Variants in ABCG5 observed in about 807,000 individuals in gnomAD.
ABCG5 encodes the protein ATP-binding cassette sub-family G member 5.
In ABCG5, 64 loss-of-function variants were observed where a neutral mutation model predicts 64.5. The ratio of observed to expected loss-of-function variants is 0.99; its 90% CI spans 0.81 to 1.22. The LOEUF is 1.22. Among genes scored for constraint, ABCG5 ranks in the 50% most tolerant of loss-of-function variants. The pLI is 0.00. For missense variants in ABCG5, 908 were observed against 829.5 expected, an observed-to-expected ratio of 1.09 and a Z score of -1.16; for synonymous variants, 385 against 326.3, an observed-to-expected ratio of 1.18 and a Z score of -1.94.
chr2:43,816,119 A>G (rs1269113393), intron 11 of ABCG5, among the ~76,000 whole-genome samples: 2 of 152,174 alleles, frequency 1.3e-5, no homozygotes, highest in Non-Finnish European at 2.9e-5. Flanking sequence ...TTGATATCAG[A>G]AAAGAAAACC....
chr2:43,834,886 C>G (rs1001704085), intron 2 of ABCG5, among the ~76,000 whole-genome samples: 4 of 152,226 alleles, frequency 2.6e-5, no homozygotes, highest in Admixed American at 1.3e-4. Context: ...ATGTCATCAT[C>G]TTTTGCCTCG....
intron 11 of ABCG5, among the ~76,000 whole-genome samples, chr2:43,817,329 A>G (rs1372136040): frequency 6.6e-6 from 1 of 151,948 alleles, no homozygotes; most frequent in Non-Finnish European, 1.5e-5. Flanking sequence ...TACCAAAAAT[A>G]CAAAAATTAG....
downstream of ABCG5, chr2:43,809,691 T>C: frequency 6.3e-7 from 1 of 1,592,736 alleles, no homozygotes; most frequent in Non-Finnish European, 8.6e-7. Context: ...AAGTGATACA[T>C]ATTTTTGTTT....
At chr2:43,818,463 C>CA (rs1666988343) in intron 11 of ABCG5, among the ~76,000 whole-genome samples, 1 of 152,024 alleles carries the variant, frequency 6.6e-6, no homozygotes, top group South Asian at 2.1e-4. Context: ...AAAACAAAAA[C>CA]AAAATACGGT....
upstream of ABCG5, chr2:43,838,879 G>A: frequency 5.0e-6 from 6 of 1,188,776 alleles, no homozygotes; most frequent in Non-Finnish European, 7.2e-6. This position sits in a 1 kb window ranked among gnomAD's most constrained non-coding sequence, Gnocchi z 4.2. Flanking sequence ...TTGACAGTGG[G>A]CAGAACACAC....
rs1419493202 is a variant in ABCG5 at position 43,831,751 on chromosome 2, G to C, written c.501+18C>G. 6.4e-7 allele frequency: 1 copy of C among 1,562,566 alleles called. No homozygotes were observed. Among genetic ancestry groups the C allele is most frequent in the South Asian group, 1.2e-5 (1 of 85,162 alleles). Reference sequence around the variant, plus strand: ...AAGGTACTCAGTTTGCCCTCTGTGAGCGGGGGGCTGCACCCACCTTCTTCT... The same window carrying C: ...AAGGTACTCAGTTTGCCCTCTGTGACCGGGGGGCTGCACCCACCTTCTTCT... On this transcript the variant is annotated intron_variant, in intron 4 of 12. Coordinates refer to ENST00000405322, the MANE Select transcript of ABCG5 (RefSeq NM_022436.3).
chr2:43,822,748 C>G (rs1667315583), intron 10 of ABCG5, 49 bp downstream of exon 10: 1 of 1,613,494 alleles, frequency 6.2e-7, no homozygotes, highest in Non-Finnish European at 8.5e-7. Context: ...CCCACTAGCT[C>G]CATGACTCCA....
chr2:43,835,036 C>T (rs538851220), intron 2 of ABCG5, among the ~76,000 whole-genome samples: 2 of 152,142 alleles, frequency 1.3e-5, no homozygotes, highest in Non-Finnish European at 2.9e-5. Context: ...ACTACGTGAC[C>T]GACCCTGTTC....
intron 10 of ABCG5, among the ~76,000 whole-genome samples, chr2:43,820,436 A>T (rs1226982280): frequency 2.6e-5 from 4 of 152,128 alleles, no homozygotes; most frequent in African/African-American, 9.7e-5. Context: ...TTCATAAATA[A>T]CCATGTTCTG....
intron 12 of ABCG5, among the ~76,000 whole-genome samples, 189 bp from the exon 13 acceptor site, chr2:43,813,498 G>T (rs1331103782): frequency 6.6e-6 from 1 of 152,078 alleles, no homozygotes; most frequent in Admixed American, 6.5e-5. Context: ...AGATGGACAT[G>T]CTTTTGTTTC....
At chr2:43,816,183 T>C (rs1422790571) in intron 11 of ABCG5, among the ~76,000 whole-genome samples, 1 of 152,258 alleles carries the variant, frequency 6.6e-6, no homozygotes, top group East Asian at 1.9e-4. Flanking sequence ...CAGAGTCATT[T>C]ACTTATTCAC....
At chr2:43,815,857 G>A (rs1422196968) in intron 11 of ABCG5, among the ~76,000 whole-genome samples, 1 of 149,828 alleles carries the variant, frequency 6.7e-6, no homozygotes, top group Non-Finnish European at 1.5e-5. Flanking sequence ...GAAAATTAAC[G>A]TGACTCCAGC....
intron 10 of ABCG5, among the ~76,000 whole-genome samples, 165 bp from the exon 11 acceptor site, chr2:43,820,265 A>AGAC (rs1667101731): frequency 6.6e-6 from 1 of 152,192 alleles, no homozygotes; most frequent in Non-Finnish European, 1.5e-5. Flanking sequence ...AGTCAACATG[A>AGAC]GACTATTTAT....
Position 43,838,557 on chromosome 2 carries a change from G to C in ABCG5, c.123C>G (p.Leu41=), listed in dbSNP as rs762300720. 1.2e-6 allele frequency: 2 copies of C among 1,607,288 alleles called. No individual in the cohort carries two copies. The highest frequency in any genetic ancestry group is 8.5e-7 in the Non-Finnish European group (1 of 1,177,490). The change falls in exon 1 of 13, where the codon CTC becomes CTG. Residue 41 remains leucine (L), a synonymous_variant. Coordinates refer to ENST00000405322, the MANE Select transcript of ABCG5 (RefSeq NM_022436.3). This position sits in a 1 kb window ranked among gnomAD's most constrained non-coding sequence, Gnocchi z 4.2. ...TAPEPHSLGI[L]HASYSVSHRV... ...CTTACCTGACGCTGTAGGAGGCATG[G>C]AGGATGCCCAGGCTGTGAGGCTCCG...
At chr2:43,827,312 C>G (rs1374160689) in intron 5 of ABCG5, among the ~76,000 whole-genome samples, 16 of 142,554 alleles carry the variant, frequency 1.1e-4, no homozygotes, top group Non-Finnish European at 2.0e-4. Context: ...GCAACAAGAG[C>G]GAAACTCTGT....
In ABCG5 at chr2:43,822,924, G is replaced by A. The variant is rs199689137; in HGVS notation, c.1336C>T (p.Arg446Ter). The stretch of plus-strand genomic sequence containing the variant: ...TGACTCTCCTGGTCGCTGACAGCTC[G>A]CAGCACGGGAACTGGGGATGGAAGG... ...LNAVNLFPVL[R>*]AVSDQESQDG... is the part of the protein sequence containing the mutation. Residue 446 changes from arginine (R) to a stop codon, truncating the protein, a stop_gained, in exon 10 of 13, where the codon CGA becomes TGA. Transcript: ENST00000405322. LOFTEE classifies it high-confidence loss of function. 178 of 1,613,826 alleles carry A rather than the reference G, an allele frequency of 1.1e-4. 1 individual carries two copies. In the Middle Eastern group the frequency reaches 1.3e-3, roughly 12 times the overall value.
At chr2:43,818,626 G>C (rs896098061) in intron 11 of ABCG5, among the ~76,000 whole-genome samples, 1 of 152,096 alleles carries the variant, frequency 6.6e-6, no homozygotes, top group Non-Finnish European at 1.5e-5. Context: ...GCTTGATTCT[G>C]TACTCTTGGT....
chr2:43,822,048 A>G (rs1367057287), intron 10 of ABCG5, among the ~76,000 whole-genome samples: 2 of 151,974 alleles, frequency 1.3e-5, no homozygotes, highest in African/African-American at 2.4e-5. Flanking sequence ...ATGTTTTTTG[A>G]TGGTCTTATT....
intron 11 of ABCG5, among the ~76,000 whole-genome samples, chr2:43,819,172 C>T (rs1260646302): frequency 6.6e-6 from 1 of 152,004 alleles, no homozygotes; most frequent in Non-Finnish European, 1.5e-5. Flanking sequence ...CTTCATGTTT[C>T]CTTGGGGACC....
Sources: allele counts gnomAD v4.1 joint callset (sites outside exome capture counted in the v4.1 genomes callset), GRCh38; gene constraint gnomAD v4.1.1; non-coding constraint Gnocchi (gnomAD v3.1); transcripts MANE v1.5; gene names NCBI Gene and HGNC (gene_info 2026-07-23, HGNC 2026-07-21).